TANGO6: variants seen among roughly 807,000 people sequenced by gnomAD.
TANGO6 encodes the protein transport and Golgi organization protein 6 homolog.
TANGO6 carries 90 observed loss-of-function variants against 114.2 expected under a neutral mutation model. The ratio of observed to expected loss-of-function variants is 0.79; its 90% CI spans 0.66 to 0.94. The LOEUF is 0.94. Ranked by LOEUF, TANGO6 falls within the 40% of genes least tolerant of loss-of-function variation. The pLI is 0.00. For missense variants in TANGO6, 1,274 were observed against 1,315.3 expected (o/e 0.97, Z 0.49); for synonymous variants, 477 against 509.8 (o/e 0.94, Z 0.87).
At chr16:69,042,891 G>C (rs753691679) in intron 17 of TANGO6, among the ~76,000 whole-genome samples, 35 of 152,112 alleles carry the variant, frequency 2.3e-4, no homozygotes, top group Non-Finnish European at 3.4e-4. Flanking sequence ...TGCAACTTTT[G>C]TGTAAATCTA....
chr16:69,077,423 G>T (rs533308122), intron 17 of TANGO6, among the ~76,000 whole-genome samples: 3 of 152,016 alleles, frequency 2.0e-5, no homozygotes, highest in Non-Finnish European at 2.9e-5. Context: ...CCAGTTGAGA[G>T]ACTAGCCAGG....
intron 1 of TANGO6, 23 bp downstream of exon 1, chr16:68,843,734 C>G (rs1297955957): frequency 5.0e-6 from 8 of 1,611,758 alleles, no homozygotes; most frequent in Non-Finnish European, 6.8e-6. Flanking sequence ...ATCTCCGCGC[C>G]GGGCTGGACC....
intron 17 of TANGO6, among the ~76,000 whole-genome samples, chr16:69,049,496 A>C (rs570451231): frequency 4.5e-4 from 68 of 151,244 alleles, no homozygotes; most frequent in South Asian, 2.7e-3. Flanking sequence ...CAATGGCGCC[A>C]TCTCGTCTCA....
Position 68,919,194 on chromosome 16 carries a change from C to A in TANGO6, c.2102C>A (p.Ala701Asp). ...QTLSMSMGLV[A>D]VMLGGAVQLK... ...CTGAGCATGTCCATGGGGCTGGTGG[C>A]TGTCATGCTAGGAGGAGCTGTTCAG... The change falls in exon 12 of 18, where the codon GCT (alanine) becomes GAT (aspartate). Residue 701 changes from alanine to aspartate, a missense_variant. Physicochemically the swap from Ala to Asp is moderately radical, Grantham distance 126. Around this residue, in one of 5 missense-constraint regions of TANGO6, gnomAD observed 908 missense variants for 910.2 expected, o/e 1.00. Transcript: ENST00000261778. The A allele has an allele frequency of 6.2e-7, 1 of 1,612,794 alleles. No individual in the cohort carries two copies. The highest frequency in any genetic ancestry group is 1.1e-5 in the South Asian group (1 of 90,610).
At chr16:69,074,984 G>A (rs1960352952) in intron 17 of TANGO6, among the ~76,000 whole-genome samples, 1 of 151,926 alleles carries the variant, frequency 6.6e-6, no homozygotes, top group Non-Finnish European at 1.5e-5. Flanking sequence ...GAGTATCTGG[G>A]ATTACAGGCA....
intron 17 of TANGO6, among the ~76,000 whole-genome samples, chr16:69,074,021 C>T (rs1960336039): frequency 6.6e-6 from 1 of 151,576 alleles, no homozygotes; most frequent in South Asian, 2.1e-4. Flanking sequence ...ACCTAGGAGA[C>T]CTGACTGTGG....
At chr16:68,966,060 C>T (rs1386645022) in intron 14 of TANGO6, among the ~76,000 whole-genome samples, 1 of 151,520 alleles carries the variant, frequency 6.6e-6, no homozygotes, top group African/African-American at 2.4e-5. Context: ...AGTAAGACCT[C>T]GTCTCCACAA....
chr16:68,984,967 C>T (rs1474901785), intron 15 of TANGO6, among the ~76,000 whole-genome samples: 1 of 150,498 alleles, frequency 6.6e-6, no homozygotes, highest in African/African-American at 2.4e-5. Context: ...TGTATATATA[C>T]TGCTTTTTTT....
At chr16:69,058,688 C>T (rs138255449) in intron 17 of TANGO6, among the ~76,000 whole-genome samples, 9 of 152,222 alleles carry the variant, frequency 5.9e-5, no homozygotes, top group African/African-American at 1.9e-4. Context: ...TTTTTTGAGA[C>T]GGAGTCTCGC....
intron 14 of TANGO6, among the ~76,000 whole-genome samples, chr16:68,973,402 G>C (rs972623616): frequency 7.2e-5 from 11 of 152,102 alleles, no homozygotes; most frequent in Non-Finnish European, 8.8e-5. Context: ...ATATAGTTTT[G>C]AGGCCAACCA....
At chr16:68,982,558 C>T (rs1025442507) in intron 15 of TANGO6, among the ~76,000 whole-genome samples, 16 of 151,242 alleles carry the variant, frequency 1.1e-4, no homozygotes, top group African/African-American at 3.7e-4. Flanking sequence ...TCGAACTCCT[C>T]ACATCAGATG....
At chr16:69,057,019 T>A (rs1168054725) in intron 17 of TANGO6, among the ~76,000 whole-genome samples, 1 of 138,730 alleles carries the variant, frequency 7.2e-6, no homozygotes, top group South Asian at 2.5e-4. Flanking sequence ...TTTTTTTTTT[T>A]TTTTTTTGAG....
intron 13 of TANGO6, among the ~76,000 whole-genome samples, chr16:68,928,521 C>T (rs1033980416): frequency 1.7e-4 from 26 of 151,862 alleles, no homozygotes; most frequent in Non-Finnish European, 2.4e-4. Context: ...AGGATGGTCT[C>T]GATCTCCTGA....
At chr16:68,901,839 C>T (rs1054547116) in intron 8 of TANGO6, among the ~76,000 whole-genome samples, 9 of 152,240 alleles carry the variant, frequency 5.9e-5, no homozygotes, top group Non-Finnish European at 1.3e-4. Flanking sequence ...ATGTTCTCAT[C>T]AGAGACTGAC....
chr16:68,933,150 C>T (rs961984188), intron 14 of TANGO6, among the ~76,000 whole-genome samples: 94 of 150,812 alleles, frequency 6.2e-4, no homozygotes, highest in African/African-American at 2.3e-3. Context: ...CTCTGTGGCT[C>T]ACGCCTATCA....
At chr16:69,022,621 C>T (rs546310554) in intron 15 of TANGO6, among the ~76,000 whole-genome samples, 62 of 151,762 alleles carry the variant, frequency 4.1e-4, no homozygotes, top group African/African-American at 1.4e-3. Context: ...GGAGAATCAC[C>T]AGAGCCTGGG....
At chr16:69,028,660 A>G (rs1013582138) in intron 16 of TANGO6, among the ~76,000 whole-genome samples, 2 of 152,010 alleles carry the variant, frequency 1.3e-5, no homozygotes, top group Non-Finnish European at 2.9e-5. Context: ...AAAAAAAAAT[A>G]AAGTGTACAA....
intron 16 of TANGO6, among the ~76,000 whole-genome samples, chr16:69,024,181 C>T (rs1403661098): frequency 6.6e-6 from 1 of 151,958 alleles, no homozygotes; most frequent in Non-Finnish European, 1.5e-5. Flanking sequence ...GGATTACAGG[C>T]GTGAGCCACC....
Position 69,077,990 on chromosome 16 carries a change from A to G in TANGO6, c.3109-5495A>G, listed in dbSNP as rs562795907. Among the ~76,000 whole-genome samples, 5 of 152,268 alleles carry G rather than the reference A, an allele frequency of 3.3e-5. No individual in the cohort carries two copies. The East Asian group carries it at 7.7e-4, about 24-fold the overall frequency. The stretch of plus-strand genomic sequence containing the variant: ...CTGCCCCACAACAAATATTTACATT[A>G]CAGTCCTGATAGGGGCTACAAACAG... On this transcript the variant is annotated intron_variant, in intron 17 of 17. Coordinates refer to ENST00000261778, the MANE Select transcript of TANGO6 (RefSeq NM_024562.2).
Sources: allele counts gnomAD v4.1 joint callset (sites outside exome capture counted in the v4.1 genomes callset), GRCh38; gene constraint gnomAD v4.1.1; regional missense constraint gnomAD v4.1.1; transcripts MANE v1.5; gene names NCBI Gene and HGNC (gene_info 2026-07-23, HGNC 2026-07-21).